The following BUB1B variants were observed in gnomAD, a reference collection of about 807,000 sequenced individuals.
The protein encoded by BUB1B is mitotic checkpoint serine/threonine-protein kinase BUB1 beta.
Under a neutral mutation model 137.7 loss-of-function variants are expected in BUB1B, and 86 were observed. That is an observed-to-expected ratio of 0.62 (90% CI 0.52 to 0.75). The LOEUF (loss-of-function observed/expected upper bound fraction) is 0.75. BUB1B is among the 30% of genes least tolerant of loss of function. BUB1B has a pLI of 0.00. For synonymous variants in BUB1B, 420 were observed against 417.9 expected, an observed-to-expected ratio of 1.00 and a Z score of -0.06; for missense variants, 1,130 against 1,236.9, an observed-to-expected ratio of 0.91 and a Z score of 1.30.
intron 2 of BUB1B, among the ~76,000 whole-genome samples, chr15:40,165,883 C>T (rs1275152386): frequency 3.3e-5 from 5 of 150,468 alleles, no homozygotes; most frequent in Non-Finnish European, 5.9e-5. Context: ...GACAGGGTCT[C>T]CCTCTATCAC....
rs1176919717 is a variant in BUB1B, at chr15:40,220,830, G to T, written c.*71G>T. 4.0e-6 allele frequency: 6 copies of T among 1,489,068 alleles called. No homozygotes were observed. Among genetic ancestry groups the T allele is most frequent in the Non-Finnish European group, 5.6e-6 (6 of 1,067,592 alleles). 92.2% of individuals were successfully genotyped at this position (1,489,068 alleles called of 1,614,324 possible). ...GTATTGTGGAACACTGAAACTGTAT[G>T]TGCTGTAATTTAATTTAGGACACAT... On this transcript the variant is annotated 3_prime_UTR_variant, in exon 23 of 23. Coordinates refer to ENST00000287598, the MANE Select transcript of BUB1B (RefSeq NM_001211.6).
intron 2 of BUB1B, among the ~76,000 whole-genome samples, chr15:40,165,647 A>G (rs1266094417): frequency 2.0e-5 from 3 of 152,238 alleles, no homozygotes; most frequent in Non-Finnish European, 4.4e-5. Flanking sequence ...ATAAAAGCTG[A>G]AAAATACTCT....
intron 20 of BUB1B, among the ~76,000 whole-genome samples, chr15:40,216,571 A>ATTTTTT (rs71426368): frequency 1.2e-5 from 1 of 83,050 alleles, no homozygotes; most frequent in Non-Finnish European, 2.1e-5. Flanking sequence ...ATATATATAT[A>ATTTTTT]TTTTTTTTTT....
chr15:40,206,688 G>T (rs147548665), intron 15 of BUB1B, among the ~76,000 whole-genome samples: 94 of 152,320 alleles, frequency 6.2e-4, no homozygotes, highest in African/African-American at 2.1e-3. Context: ...TAAGTGGTCC[G>T]AGAGGAGTAT....
chr15:40,200,170 A>C, intron 10 of BUB1B, 74 bp from the exon 11 acceptor site: 1 of 989,402 alleles, frequency 1.0e-6, no homozygotes, highest in Non-Finnish European at 1.6e-6. Context: ...AGTACAGTAA[A>C]GCTAATGTTA....
intron 2 of BUB1B, among the ~76,000 whole-genome samples, chr15:40,166,044 G>T (rs2037092166): frequency 6.6e-6 from 1 of 152,074 alleles, no homozygotes; most frequent in Non-Finnish European, 1.5e-5. Flanking sequence ...GTAGAGATGG[G>T]TCCTTGCCAT....
At chr15:40,184,312 CTT>C (rs566826994) in intron 6 of BUB1B, among the ~76,000 whole-genome samples, 4 of 144,618 alleles carry the variant, frequency 2.8e-5, no homozygotes, top group Non-Finnish European at 4.6e-5. Flanking sequence ...TTAACATGGA[CTT>C]TTTTTTTTTT....
intron 19 of BUB1B, 78 bp from the exon 20 acceptor site, chr15:40,213,254 T>A: frequency 6.6e-7 from 1 of 1,513,586 alleles, no homozygotes; most frequent in Non-Finnish European, 9.1e-7. Flanking sequence ...CTACAAACCA[T>A]CAGTTTTCAA....
At chr15:40,214,528 A>C (rs2037750999) in intron 20 of BUB1B, among the ~76,000 whole-genome samples, 4 of 152,226 alleles carry the variant, frequency 2.6e-5, no homozygotes, top group Admixed American at 6.5e-5. Context: ...TTCTGAGGCC[A>C]CTGGTATACA....
intron 5 of BUB1B, 134 bp downstream of exon 5, chr15:40,176,807 G>T (rs2140885680): frequency 1.0e-6 from 1 of 953,366 alleles, no homozygotes. Flanking sequence ...TTTTTTTAAA[G>T]ATATATTTTA....
intron 20 of BUB1B, among the ~76,000 whole-genome samples, chr15:40,215,435 G>A (rs541379840): frequency 8.9e-4 from 135 of 151,990 alleles, no homozygotes; most frequent in Non-Finnish European, 1.5e-3. Flanking sequence ...TCGCACCATT[G>A]TACTCCAGTC....
chr15:40,195,022 T>A (rs1338282577), intron 8 of BUB1B, among the ~76,000 whole-genome samples: 1 of 152,168 alleles, frequency 6.6e-6, no homozygotes, highest in Non-Finnish European at 1.5e-5. Flanking sequence ...GGGGAACAGG[T>A]GGTGTTTGGT....
At chr15:40,167,323 T>C (rs955783877) in intron 2 of BUB1B, among the ~76,000 whole-genome samples, 4 of 151,160 alleles carry the variant, frequency 2.6e-5, no homozygotes, top group Non-Finnish European at 5.9e-5. Flanking sequence ...TATGTTTTCT[T>C]TTACTAGCTT....
At chr15:40,216,393 G>A (rs1278295262) in intron 20 of BUB1B, among the ~76,000 whole-genome samples, 2 of 151,690 alleles carry the variant, frequency 1.3e-5, no homozygotes, top group South Asian at 2.1e-4. Flanking sequence ...AGCTGAGATC[G>A]CACCACTGTA....
intron 20 of BUB1B, among the ~76,000 whole-genome samples, chr15:40,216,893 A>G (rs1471419498): frequency 1.3e-5 from 2 of 152,224 alleles, no homozygotes; most frequent in African/African-American, 4.8e-5. Context: ...AACAAAATTA[A>G]TTGATAATTA....
At chr15:40,177,443 A>AT (rs376949303) in intron 5 of BUB1B, among the ~76,000 whole-genome samples, 23 of 152,066 alleles carry the variant, frequency 1.5e-4, no homozygotes, top group African/African-American at 5.6e-4. Flanking sequence ...TAGCATATTA[A>AT]TGTTCATTTG....
intron 8 of BUB1B, among the ~76,000 whole-genome samples, chr15:40,192,932 G>A (rs1242926460): frequency 6.6e-6 from 1 of 152,190 alleles, no homozygotes; most frequent in Non-Finnish European, 1.5e-5. Context: ...GCTCACTGCA[G>A]TCCTGACTCC....
intron 4 of BUB1B, among the ~76,000 whole-genome samples, chr15:40,174,416 T>A (rs1345669671): frequency 2.0e-5 from 3 of 152,258 alleles, no homozygotes; most frequent in African/African-American, 7.2e-5. Context: ...TAGCATTTGT[T>A]GTACTAGACC....
chr15:40,218,487 A>G lies in BUB1B; in HGVS notation c.2882A>G (p.His961Arg). ...CTGTTTGGTATAGCAGATTTAGCAC[A>G]TTTACTATTGTTCAAGGAACACCTA... is the stretch of plus-strand genomic sequence containing the variant. The part of the protein sequence containing the change: ...VDLFGIADLA[H>R]LLLFKEHLQV... Residue 961 changes from histidine to arginine, a missense_variant, in exon 22 of 23, where the codon CAT becomes CGT. By Grantham distance (29) the His-to-Arg change is conservative. Transcript: ENST00000287598. The G allele has an allele frequency of 6.2e-7, 1 of 1,614,078 alleles. No individual in the cohort carries two copies. Among genetic ancestry groups the G allele is most frequent in the Non-Finnish European group, 8.5e-7 (1 of 1,179,974 alleles).
Sources: gnomAD v4.1 joint callset for allele counts (sites outside exome capture counted in the v4.1 genomes callset) on GRCh38, gnomAD v4.1.1 for gene constraint, MANE v1.5 for transcripts, NCBI Gene and HGNC (gene_info 2026-07-23, HGNC 2026-07-21) for gene names.